The following ACTR3C variants were observed in gnomAD, a reference collection of about 807,000 sequenced individuals.
The protein encoded by ACTR3C is actin related protein 3C, also known as actin-related protein 3C.
In ACTR3C, 18 loss-of-function variants were observed where a neutral mutation model predicts 26.3. The observed-to-expected ratio is 0.68, with a 90% CI of 0.47 to 1.01. The LOEUF (loss-of-function observed/expected upper bound fraction) is 1.01, where lower values mean the gene tolerates loss of function less well. Among genes scored for constraint, ACTR3C ranks in the 50% least tolerant of loss-of-function variants. ACTR3C has a pLI of 0.00. For missense variants in ACTR3C, 184 were observed against 250.7 expected (o/e 0.73, Z 1.80); for synonymous variants, 55 against 94.5 (o/e 0.58, Z 2.42).
At chr7:150,228,808 A>C in the ACTR3C span, among the ~76,000 whole-genome samples, 2 of 148,182 alleles carry the variant, frequency 1.3e-5, no homozygotes, top group African/African-American at 5.2e-5. Context: ...CATAGTAACA[A>C]TCAAATTATG....
At chr7:150,147,580 TCA>T in the ACTR3C span, among the ~76,000 whole-genome samples, 236 of 152,346 alleles carry the variant, frequency 1.5e-3, 1 homozygote, top group African/African-American at 5.3e-3. Context: ...AATTAATCAT[TCA>T]TTAATTATTA....
the ACTR3C span, among the ~76,000 whole-genome samples, chr7:150,043,696 G>C: frequency 6.6e-6 from 1 of 152,230 alleles, no homozygotes; most frequent in Non-Finnish European, 1.5e-5. Context: ...TTGGTGATGA[G>C]AGTAATGGGA....
At chr7:150,281,100 G>T (rs1484830696) in intron 6 of ACTR3C, among the ~76,000 whole-genome samples, 1 of 152,008 alleles carries the variant, frequency 6.6e-6, no homozygotes, top group African/African-American at 2.4e-5. Context: ...ACAGGTAGCC[G>T]AGGTCAGGAA....
the ACTR3C span, among the ~76,000 whole-genome samples, chr7:150,169,331 C>T: frequency 3.4e-3 from 483 of 143,590 alleles, 33 homozygotes; most frequent in African/African-American, 0.012. Flanking sequence ...TGTAGTGAGC[C>T]AAGATCTCGC....
the ACTR3C span, among the ~76,000 whole-genome samples, chr7:150,093,562 C>T: frequency 4.0e-5 from 6 of 150,888 alleles, no homozygotes; most frequent in African/African-American, 1.5e-4. Context: ...ACAGTCCTCC[C>T]CATGGAAGTC....
the ACTR3C span, among the ~76,000 whole-genome samples, chr7:150,091,737 C>T: frequency 6.8e-6 from 1 of 146,204 alleles, no homozygotes; most frequent in Non-Finnish European, 1.5e-5. Flanking sequence ...AATCCCAGCA[C>T]TTTGGGAGGC....
At chr7:149,913,831 A>C in the ACTR3C span, among the ~76,000 whole-genome samples, 76 of 151,294 alleles carry the variant, frequency 5.0e-4, no homozygotes, top group African/African-American at 1.7e-3. Context: ...CGATATATCT[A>C]TAATACTGAA....
the ACTR3C span, among the ~76,000 whole-genome samples, chr7:149,897,877 CA>C: frequency 3.5e-3 from 512 of 146,092 alleles, 4 homozygotes; most frequent in African/African-American, 0.012. Flanking sequence ...GACTCCATCT[CA>C]AAAAAAAAAT....
At chr7:150,280,749 C>G (rs931639628) in intron 6 of ACTR3C, among the ~76,000 whole-genome samples, 1 of 151,792 alleles carries the variant, frequency 6.6e-6, no homozygotes, top group Non-Finnish European at 1.5e-5. Context: ...ATACCTGTAT[C>G]AAATCATCAC....
the ACTR3C span, among the ~76,000 whole-genome samples, chr7:149,986,816 C>T: frequency 6.8e-6 from 1 of 147,284 alleles, no homozygotes; most frequent in East Asian, 2.0e-4. Context: ...TGTGTGACTG[C>T]CCACACTTCT....
At chr7:150,315,109 T>C (rs1040149602) in intron 1 of ACTR3C, among the ~76,000 whole-genome samples, 2 of 147,360 alleles carry the variant, frequency 1.4e-5, no homozygotes, top group Non-Finnish European at 3.0e-5. Context: ...ATTTATATTA[T>C]TTATTTTATA....
intron 1 of ACTR3C, among the ~76,000 whole-genome samples, chr7:150,307,820 C>T (rs1382204514): frequency 1.3e-5 from 2 of 152,214 alleles, no homozygotes; most frequent in African/African-American, 2.4e-5. Flanking sequence ...CCAGCCCAAA[C>T]AAAACACCTC....
chr7:150,117,449 T>G, the ACTR3C span, among the ~76,000 whole-genome samples: 1 of 152,210 alleles, frequency 6.6e-6, no homozygotes, highest in Non-Finnish European at 1.5e-5. Flanking sequence ...CCCCTCACAG[T>G]GTAAACAAAG....
At chr7:150,172,607 C>T in the ACTR3C span, among the ~76,000 whole-genome samples, 26 of 150,054 alleles carry the variant, frequency 1.7e-4, 2 homozygotes, top group African/African-American at 6.3e-4. Context: ...ATATCAAAAC[C>T]AATCATGCCT....
intron 6 of ACTR3C, among the ~76,000 whole-genome samples, chr7:150,268,091 G>A (rs1368558409): frequency 6.6e-6 from 1 of 151,858 alleles, no homozygotes; most frequent in Non-Finnish European, 1.5e-5. Context: ...GTGGCATCGG[G>A]GACTTAAATG....
At chr7:150,138,027 C>A in the ACTR3C span, among the ~76,000 whole-genome samples, 2 of 152,098 alleles carry the variant, frequency 1.3e-5, no homozygotes, top group South Asian at 4.2e-4. Flanking sequence ...GGAGCAAATA[C>A]TGTGTTGGCT....
the ACTR3C span, among the ~76,000 whole-genome samples, chr7:150,035,702 T>A: frequency 3.9e-5 from 5 of 127,248 alleles, no homozygotes; most frequent in Admixed American, 3.7e-4. Context: ...GCGATGGGGG[T>A]CCTAAGCCAG....
At chr7:149,913,246 A>C in the ACTR3C span, among the ~76,000 whole-genome samples, 1 of 152,160 alleles carries the variant, frequency 6.6e-6, no homozygotes, top group African/African-American at 2.4e-5. Context: ...GACCAAAAAA[A>C]CAAAAGCAAA....
chr7:150,152,817 G>A, the ACTR3C span, among the ~76,000 whole-genome samples: 3 of 152,054 alleles, frequency 2.0e-5, no homozygotes, highest in Admixed American at 2.0e-4. Context: ...CAATTTCAGA[G>A]CCTGTTATTG....
Sources: allele counts gnomAD v4.1 joint callset (sites outside exome capture counted in the v4.1 genomes callset), GRCh38; gene constraint gnomAD v4.1.1; transcripts MANE v1.5; gene names NCBI Gene and HGNC (gene_info 2026-07-23, HGNC 2026-07-21).